WDR59: variants seen among roughly 807,000 people sequenced by gnomAD.
WDR59 encodes WD repeat domain 59, also known as GATOR2 complex protein WDR59.
WDR59 carries 100 observed loss-of-function variants against 131.2 expected under a neutral mutation model. The observed-to-expected ratio is 0.76, with a 90% CI of 0.65 to 0.90. The LOEUF (loss-of-function observed/expected upper bound fraction) is 0.90. WDR59 is among the 40% of genes least tolerant of loss of function. WDR59 has a pLI of 0.00. For synonymous variants in WDR59, 601 were observed against 466.2 expected, an observed-to-expected ratio of 1.29 and a Z score of -3.72; for missense variants, 1,203 against 1,262.2, an observed-to-expected ratio of 0.95 and a Z score of 0.71.
chr16:74,896,305 G>C (rs1273989105), intron 18 of WDR59, among the ~76,000 whole-genome samples: 1 of 152,152 alleles, frequency 6.6e-6, no homozygotes, highest in African/African-American at 2.4e-5. Context: ...CTCAATGAAG[G>C]ATGAGGTCTA....
At chr16:74,961,920 T>G (rs140085328) in intron 2 of WDR59, among the ~76,000 whole-genome samples, 3 of 152,202 alleles carry the variant, frequency 2.0e-5, no homozygotes, top group Non-Finnish European at 2.9e-5. Context: ...TTTATAGTTT[T>G]GGATTTTACA....
chr16:74,882,759 G>A (rs1196400501), intron 25 of WDR59, among the ~76,000 whole-genome samples: 1 of 129,326 alleles, frequency 7.7e-6, no homozygotes, highest in Non-Finnish European at 1.6e-5. Flanking sequence ...GCAGTGAGCC[G>A]AGATCGCATG....
chr16:74,981,645 TATATATATATATA>T (rs1472274472), intron 1 of WDR59, among the ~76,000 whole-genome samples: 702 of 13,202 alleles, frequency 0.053, 68 homozygotes, highest in Admixed American at 0.11. Flanking sequence ...TATATATATA[TATATATATATATA>T]TATTTTTTTT....
At chr16:74,920,326 C>T (rs188712149) in intron 10 of WDR59, among the ~76,000 whole-genome samples, 19 of 152,040 alleles carry the variant, frequency 1.2e-4, no homozygotes, top group Admixed American at 3.9e-4. Context: ...AAATGTAGGC[C>T]GATGGAAGTG....
At chr16:74,939,287 T>G (rs1215608803) in intron 7 of WDR59, among the ~76,000 whole-genome samples, 2 of 152,040 alleles carry the variant, frequency 1.3e-5, no homozygotes, top group African/African-American at 4.8e-5. Flanking sequence ...CACAAAAAGC[T>G]TTAGATATAA....
chr16:74,882,807 C>CAAAAAAAAAAAAAAAAAAAAAAAAA (rs569507124), intron 25 of WDR59, among the ~76,000 whole-genome samples: 1 of 51,418 alleles, frequency 1.9e-5, no homozygotes, highest in Admixed American at 3.4e-4. Flanking sequence ...AACACTGTCT[C>CAAAAAAAAAAAAAAAAAAAAAAAAA]AAAAAAAAAA....
intron 16 of WDR59, among the ~76,000 whole-genome samples, chr16:74,909,226 G>C (rs575263506): frequency 6.6e-6 from 1 of 152,094 alleles, no homozygotes; most frequent in Non-Finnish European, 1.5e-5. Context: ...CCTACCAGGC[G>C]AATGCCCCCT....
chr16:74,957,424 T>C (rs1337815703), intron 2 of WDR59, among the ~76,000 whole-genome samples: 2 of 152,136 alleles, frequency 1.3e-5, no homozygotes, highest in Admixed American at 6.6e-5. Flanking sequence ...GGCTCAGTGC[T>C]CTGCACTCAA....
chr16:74,916,674 G>A (rs1278445686), intron 11 of WDR59, among the ~76,000 whole-genome samples: 2 of 151,956 alleles, frequency 1.3e-5, no homozygotes, highest in Non-Finnish European at 2.9e-5. Context: ...GCCTGGCCAA[G>A]AGGGTGAAAT....
At chr16:74,963,582 C>T (rs1044869009) in intron 2 of WDR59, among the ~76,000 whole-genome samples, 1 of 145,952 alleles carries the variant, frequency 6.9e-6, no homozygotes, top group African/African-American at 2.6e-5. Flanking sequence ...TACACTGGGA[C>T]TTGTTGGGGG....
In WDR59 at chr16:74,871,861, AGACACTG is replaced by A. The variant is rs1213591739; in HGVS notation, c.*2341_*2347del. 3 of 152,256 alleles carry A rather than the reference AGACACTG, an allele frequency of 2.0e-5. No homozygotes were observed. The highest frequency in any genetic ancestry group is 7.2e-5 in the African/African-American group (3 of 41,458). 9.4% of individuals were successfully genotyped at this position (152,256 alleles called of 1,614,324 possible). A position where few individuals can be genotyped will look rare whatever the true frequency, so the allele number is the denominator to read the frequency against. On this transcript the variant is annotated 3_prime_UTR_variant, in exon 26 of 26. Transcript: ENST00000262144. The stretch of plus-strand genomic sequence containing the variant: ...CTCCCCCGCCCTGCTCACGCTACTG[AGACACTG>A]GCACCTTACCTCAGACCAGAGCCCA...
At chr16:74,974,852 T>C (rs1211983028) in intron 1 of WDR59, among the ~76,000 whole-genome samples, 1 of 152,244 alleles carries the variant, frequency 6.6e-6, no homozygotes, top group Non-Finnish European at 1.5e-5. Flanking sequence ...GCATATACTG[T>C]GTGCGTCTAC....
intron 23 of WDR59, 137 bp from the exon 24 acceptor site, chr16:74,886,533 A>G (rs1964774231): frequency 1.7e-6 from 2 of 1,204,756 alleles, no homozygotes; most frequent in East Asian, 2.6e-5. Context: ...TCTGAGAAAT[A>G]TAACTAAATA....
chr16:74,885,586 G>A, intron 25 of WDR59, 67 bp downstream of exon 25: 1 of 1,571,618 alleles, frequency 6.4e-7, no homozygotes. Flanking sequence ...CAAGTCTGAG[G>A]CTGTGGACAT....
At chr16:74,968,674 G>A (rs548165951) in intron 1 of WDR59, among the ~76,000 whole-genome samples, 57 of 152,174 alleles carry the variant, frequency 3.7e-4, no homozygotes, top group African/African-American at 1.3e-3. Flanking sequence ...GCAGTAAGCT[G>A]AGATCTTGCC....
At chr16:74,958,948 A>T (rs2033439056) in intron 2 of WDR59, among the ~76,000 whole-genome samples, 1 of 152,000 alleles carries the variant, frequency 6.6e-6, no homozygotes, top group Non-Finnish European at 1.5e-5. Flanking sequence ...AATCCCAGCT[A>T]CTCAGGAGAC....
Position 74,948,511 on chromosome 16 carries a change from A to ACACT in WDR59, c.445+4_445+7dup. 6.2e-7 allele frequency: 1 copy of ACACT among 1,613,040 alleles called. No individual in the cohort carries two copies. Among genetic ancestry groups the ACACT allele is most frequent in the South Asian group, 1.1e-5 (1 of 91,072 alleles). On this transcript the variant is annotated splice_region_variant and intron_variant, in intron 6 of 25. Transcript: ENST00000262144. The stretch of plus-strand genomic sequence containing the variant: ...CGCCAGGGTGAGGTGGGAGAAGCAT[A>ACACT]CACTCACCAACAGCAGACAGTGCAA...
At position 74,939,497 on chromosome 16, in the gene WDR59, G is replaced by GA. The variant is rs373082094; in HGVS notation, c.535-1232dup. On this transcript the variant is annotated intron_variant, in intron 7 of 25. Coordinates refer to ENST00000262144, the MANE Select transcript of WDR59 (RefSeq NM_030581.4). ...TAATGCATCTGTTCTAATGTTAAAT[G>GA]AAAAAAAAGTGTACACAACTACGTA... is the stretch of plus-strand genomic sequence containing the variant. Among the ~76,000 whole-genome samples, 26 of 148,350 alleles carry GA rather than the reference G, an allele frequency of 1.8e-4. 2 individuals are homozygous for GA. Among genetic ancestry groups the GA allele is most frequent in the African/African-American group, 5.4e-4 (22 of 40,442 alleles).
At chr16:74,969,403 G>A (rs1044290170) in intron 1 of WDR59, among the ~76,000 whole-genome samples, 5 of 151,538 alleles carry the variant, frequency 3.3e-5, no homozygotes, top group Non-Finnish European at 5.9e-5. Context: ...CTCCTGAGTA[G>A]GTGGGATTAC....
Sources: gnomAD v4.1 joint callset for allele counts (sites outside exome capture counted in the v4.1 genomes callset) on GRCh38, gnomAD v4.1.1 for gene constraint, MANE v1.5 for transcripts, NCBI Gene and HGNC (gene_info 2026-07-23, HGNC 2026-07-21) for gene names.